Variants in RPL3L observed in about 807,000 individuals in gnomAD.
RPL3L encodes ribosomal protein L3 like.
A neutral mutation model predicts 44.5 loss-of-function variants in RPL3L; 44 were observed. That is an observed-to-expected ratio of 0.99 (90% confidence interval 0.78 to 1.27). The LOEUF is 1.27. Ranked by LOEUF, RPL3L falls within the 50% of genes most tolerant of loss-of-function variation. The pLI, the probability that RPL3L is intolerant of heterozygous loss-of-function variation, is 0.00. For missense variants in RPL3L, 631 were observed against 569.1 expected (o/e 1.11, Z -1.11); for synonymous variants, 292 against 230.7 (o/e 1.27, Z -2.41).
In RPL3L at chr16:1,945,946, G is replaced by A. The variant is rs1225307296; in HGVS notation, c.952-16C>T. 1.9e-6 allele frequency: 3 copies of A among 1,597,098 alleles called. No individual in the cohort carries two copies. In the South Asian group the frequency reaches 3.4e-5, roughly 18 times the overall value. ...GGAAGCCACCCTGCAGAGGACACAG[G>A]TCAGAGGCCAGGCCCGGAAAGGGCT... is the stretch of plus-strand genomic sequence containing the variant. On this transcript the variant is annotated splice_polypyrimidine_tract_variant and intron_variant, in intron 7 of 9. Transcript: ENST00000268661.
chr16:1,953,636 GT>G (rs2083186598), intron 2 of RPL3L, among the ~76,000 whole-genome samples: 1 of 152,228 alleles, frequency 6.6e-6, no homozygotes, highest in African/African-American at 2.4e-5. Context: ...TGGCCAAAAA[GT>G]GCAGATGTCC....
intron 4 of RPL3L, among the ~76,000 whole-genome samples, chr16:1,949,706 G>A (rs1010348751): frequency 2.5e-4 from 36 of 145,166 alleles, no homozygotes; most frequent in African/African-American, 5.2e-5. Context: ...AGGTATGTAC[G>A]GGGCAGGTAT....
In RPL3L at chr16:1,945,615, G is replaced by T; in HGVS notation, c.1051C>A (p.Leu351Ile). ...KKRVITLRKS[L>I]LVHHSRQAVE... The stretch of plus-strand genomic sequence containing the variant: ...GCTTGGCGACTGTGATGCACCAGGA[G>T]GGACTGGGGAATCCATGGTAAAGTA... The change falls in exon 9 of 10, where the codon CTC (leucine) becomes ATC (isoleucine). Residue 351 changes from leucine to isoleucine, a missense_variant. Coordinates refer to ENST00000268661, the MANE Select transcript of RPL3L (RefSeq NM_005061.3). 6.2e-7 allele frequency: 1 copy of T among 1,613,878 alleles called. No homozygotes were observed. Among genetic ancestry groups the T allele is most frequent in the Non-Finnish European group, 8.5e-7 (1 of 1,179,972 alleles).
chr16:1,946,530 C>T (rs2150861318), intron 7 of RPL3L, 95 bp downstream of exon 7: 2 of 1,271,144 alleles, frequency 1.6e-6, no homozygotes, highest in East Asian at 5.0e-5. Context: ...GGGCATGCCC[C>T]CTACATGTAT....
At position 1,953,028 on chromosome 16, in the gene RPL3L, C is replaced by T. The variant is rs1242570331; in HGVS notation, c.211G>A (p.Glu71Lys). The change falls in exon 3 of 10, where the codon GAG becomes AAG. Residue 71 changes from glutamate (E) to lysine (K), a missense_variant. By Grantham distance (56) the Glu-to-Lys change is moderately conservative. Coordinates refer to ENST00000268661, the MANE Select transcript of RPL3L (RefSeq NM_005061.3). ...HRPGLKISKR[E>K]EVEAVTIVET... ...ACAATTGTCACCGCCTCCACCTCCT[C>T]CCGTTTGGAAATTTCTGGATGAGAC... is the stretch of plus-strand genomic sequence containing the variant. The T allele has an allele frequency of 6.3e-7, 1 of 1,598,608 alleles. No individual in the cohort carries two copies. Among genetic ancestry groups the T allele is most frequent in the South Asian group, 1.1e-5 (1 of 88,984 alleles).
chr16:1,954,168 G>A lies in RPL3L; in HGVS notation c.4-20C>T, dbSNP rs888632871. ...GTGGGACTGGGGGGCAGGAAGGAAG[G>A]AGGTCAGACCTGGGGTGTCCCTGGT... On this transcript the variant is annotated intron_variant, in intron 1 of 9. Coordinates refer to ENST00000268661, the MANE Select transcript of RPL3L (RefSeq NM_005061.3). 3 of 1,550,828 alleles carry A rather than the reference G, an allele frequency of 1.9e-6. No individual in the cohort carries two copies. The highest frequency in any genetic ancestry group is 2.6e-6 in the Non-Finnish European group (3 of 1,146,330).
At chr16:1,954,261 TGCTC>T in intron 1 of RPL3L, 113 bp from the exon 2 acceptor site, 1 of 1,159,352 alleles carries the variant, frequency 8.6e-7, no homozygotes, top group Non-Finnish European at 1.2e-6. Flanking sequence ...CTGAGGCCTG[TGCTC>T]AGCACCTCCC....
rs2083133292 is a variant in RPL3L, at chr16:1,947,524, G to T, written c.502-144C>A. Reference sequence around the variant, plus strand: ...CCCAGGATCAGGTTGCAACCCATGTGTTGTGCTAGGCACTGCGGATCCGGT... The same window carrying T: ...CCCAGGATCAGGTTGCAACCCATGTTTTGTGCTAGGCACTGCGGATCCGGT... On this transcript the variant is annotated intron_variant, in intron 4 of 9. Coordinates refer to ENST00000268661, the MANE Select transcript of RPL3L (RefSeq NM_005061.3). 4.0e-6 allele frequency: 4 copies of T among 1,006,774 alleles called. No individual in the cohort carries two copies. The East Asian group carries it at 8.0e-5, about 20-fold the overall frequency. The allele number at this position is 1,006,774 out of a possible 1,614,324, so 62.4% of individuals were successfully genotyped here.
At chr16:1,954,489 C>A in intron 1 of RPL3L, 140 bp downstream of exon 1, 1 of 1,009,838 alleles carries the variant, frequency 9.9e-7, no homozygotes, top group Non-Finnish European at 1.4e-6. Context: ...GCCCTCGTCC[C>A]CTTGTTTCCC....
chr16:1,945,031 A>G lies in RPL3L; in HGVS notation c.1168-138T>C, dbSNP rs1403472867. On this transcript the variant is annotated intron_variant, in intron 9 of 9. Transcript: ENST00000268661. ...CTTCCTCCCCCACCTTCTCTTCTAA[A>G]GAATCAGTGCCCAGGGATAGACCCT... 1.1e-5 allele frequency: 12 copies of G among 1,096,206 alleles called. No individual in the cohort carries two copies. The East Asian group carries it at 2.4e-4, about 22-fold the overall frequency. The allele number at this position is 1,096,206 out of a possible 1,614,324, so 67.9% of individuals were successfully genotyped here. A position where few individuals can be genotyped will look rare whatever the true frequency, so the allele number is the denominator to read the frequency against.
chr16:1,949,917 G>A (rs186415756), intron 4 of RPL3L, among the ~76,000 whole-genome samples: 33 of 69,036 alleles, frequency 4.8e-4, no homozygotes, highest in African/African-American at 6.4e-4. Context: ...GTATGTAGGG[G>A]GCAGGTATGT....
At chr16:1,947,504 G>A in intron 4 of RPL3L, 124 bp from the exon 5 acceptor site, 3 of 1,212,058 alleles carry the variant, frequency 2.5e-6, no homozygotes, top group Middle Eastern at 2.0e-4. Flanking sequence ...GTGTTCCCAG[G>A]ATCAGGTTGC....
chr16:1,946,664 G>A lies in RPL3L; in HGVS notation c.912C>T (p.Ser304=), dbSNP rs2083122766. The A allele has an allele frequency of 6.2e-7, 1 of 1,612,746 alleles. No individual in the cohort carries two copies. The highest frequency in any genetic ancestry group is 8.5e-7 in the Non-Finnish European group (1 of 1,179,970). The change falls in exon 7 of 10, where the codon TCC becomes TCT. Residue 304 remains serine (S), a synonymous_variant. Transcript: ENST00000268661. Reference sequence around the variant, plus strand: ...ACTTGGCAGTCACGTCGTAGCTGGTGGATGCATTGTTCTTCACCAGCTTCC... The same window carrying A: ...ACTTGGCAGTCACGTCGTAGCTGGTAGATGCATTGTTCTTCACCAGCTTCC... The part of the protein sequence containing the change: ...EDGKLVKNNA[S]TSYDVTAKSI...
intron 4 of RPL3L, 26 bp downstream of exon 4, chr16:1,950,817 AC>A: frequency 6.2e-7 from 1 of 1,613,842 alleles, no homozygotes; most frequent in Non-Finnish European, 8.5e-7. Flanking sequence ...CTAGGGACTG[AC>A]CGACAGCGGA....
chr16:1,952,150 G>C (rs1260891823), intron 3 of RPL3L, among the ~76,000 whole-genome samples: 1 of 149,874 alleles, frequency 6.7e-6, no homozygotes, highest in African/African-American at 2.5e-5. Flanking sequence ...TGTATTTTTA[G>C]TAGAGACGGG....
chr16:1,948,355 C>A (rs940286250), intron 4 of RPL3L, among the ~76,000 whole-genome samples: 2 of 152,126 alleles, frequency 1.3e-5, no homozygotes, highest in East Asian at 1.9e-4. Context: ...TCTTGAGTAA[C>A]TGGGATTACA....
At position 1,946,638 on chromosome 16, in the gene RPL3L, G is replaced by A. The variant is rs2083122547; in HGVS notation, c.938C>T (p.Ser313Phe). 6.2e-7 allele frequency: 1 copy of A among 1,612,640 alleles called. No homozygotes were observed. Among genetic ancestry groups the A allele is most frequent in the Non-Finnish European group, 8.5e-7 (1 of 1,179,772 alleles). ...ASTSYDVTAK[S>F]ITPLGGFPHY... is the part of the protein sequence containing the mutation. ...TCCCAGCCTCACCAGCGGTGTGATG[G>A]ACTTGGCAGTCACGTCGTAGCTGGT... The change falls in exon 7 of 10, where the codon TCC (serine) becomes TTC (phenylalanine). Residue 313 changes from serine (S) to phenylalanine (F), a missense_variant. Transcript: ENST00000268661.
rs573856678 is a variant in RPL3L, at chr16:1,944,730, C to T, written c.*107G>A. 2.8e-5 allele frequency: 40 copies of T among 1,410,564 alleles called. No individual in the cohort carries two copies. The East Asian group carries it at 5.9e-4, about 21-fold the overall frequency. The allele number at this position is 1,410,564 out of a possible 1,614,324, so 87.4% of individuals were successfully genotyped here. A position where few individuals can be genotyped will look rare whatever the true frequency, so the allele number is the denominator to read the frequency against. Reference sequence around the variant, plus strand: ...CAGCAGGCAAGGTGAACCCCTTGGGCGGTTACACAGCGCTCTGAGACCTCG... The same window carrying T: ...CAGCAGGCAAGGTGAACCCCTTGGGTGGTTACACAGCGCTCTGAGACCTCG... On this transcript the variant is annotated 3_prime_UTR_variant, in exon 10 of 10. Transcript: ENST00000268661.
At chr16:1,951,129 A>G (rs2083169496) in intron 3 of RPL3L, 150 bp from the exon 4 acceptor site, 12 of 1,006,378 alleles carry the variant, frequency 1.2e-5, no homozygotes, top group Admixed American at 2.9e-5. Flanking sequence ...GGTTCCAGCC[A>G]CCATCTTTGA....
Sources: gnomAD v4.1 joint callset for allele counts (sites outside exome capture counted in the v4.1 genomes callset) on GRCh38, gnomAD v4.1.1 for gene constraint, MANE v1.5 for transcripts, NCBI Gene and HGNC (gene_info 2026-07-23, HGNC 2026-07-21) for gene names.